Variants in MDFIC2 observed in about 807,000 individuals in gnomAD.
MDFIC2 encodes the protein myoD family inhibitor domain-containing protein 2.
intron 2 of MDFIC2, among the ~76,000 whole-genome samples, chr3:70,311,019 A>G (rs1157359312): frequency 2.6e-5 from 4 of 152,196 alleles, no homozygotes; most frequent in African/African-American, 9.6e-5. Context: ...CAGCAAAATC[A>G]TCAATAAATA....
intron 2 of MDFIC2, among the ~76,000 whole-genome samples, chr3:70,218,413 A>G (rs1048784155): frequency 1.1e-4 from 16 of 152,112 alleles, no homozygotes; most frequent in Non-Finnish European, 2.2e-4. Context: ...TAAGCTTTAC[A>G]GTAAAAAATC....
chr3:70,302,166 C>T (rs184200746), intron 2 of MDFIC2, among the ~76,000 whole-genome samples: 30 of 152,246 alleles, frequency 2.0e-4, no homozygotes, highest in African/African-American at 5.8e-4. Flanking sequence ...ATTTACTTCT[C>T]GACAGGCTTA....
chr3:70,272,707 G>C (rs1201636740), intron 2 of MDFIC2, among the ~76,000 whole-genome samples: 2 of 152,162 alleles, frequency 1.3e-5, no homozygotes, highest in African/African-American at 2.4e-5. Flanking sequence ...ATTTTAGATA[G>C]AGTACATTGC....
chr3:70,298,046 C>T (rs980297512), intron 2 of MDFIC2, among the ~76,000 whole-genome samples: 2 of 152,020 alleles, frequency 1.3e-5, no homozygotes, highest in African/African-American at 2.4e-5. Context: ...GATTGACAAT[C>T]GGGTGCTATT....
intron 2 of MDFIC2, among the ~76,000 whole-genome samples, chr3:70,246,832 C>G (rs955340720): frequency 1.3e-5 from 2 of 152,004 alleles, no homozygotes; most frequent in South Asian, 2.1e-4. Flanking sequence ...TTTTTTGTCA[C>G]CCTTAAAACA....
At position 70,290,768 on chromosome 3, in the gene MDFIC2, C is replaced by T. The variant is rs138594524; in HGVS notation, c.88+21118G>A. On this transcript the variant is annotated intron_variant, in intron 2 of 3. Coordinates refer to ENST00000567252, the MANE Select transcript of MDFIC2 (RefSeq NM_001364677.1). ...TGCAGGTTATAATCTCGTGGTGCGC[C>T]GTTTTTTAAGCTTGTCGGAAAAGCG... Among the ~76,000 whole-genome samples, 126 of 152,298 alleles carry T rather than the reference C, an allele frequency of 8.3e-4. 2 individuals are homozygous for T. The East Asian group carries it at 0.022, about 27-fold the overall frequency.
intron 2 of MDFIC2, among the ~76,000 whole-genome samples, chr3:70,248,865 A>C (rs1375392853): frequency 6.6e-6 from 1 of 152,102 alleles, no homozygotes; most frequent in Non-Finnish European, 1.5e-5. Flanking sequence ...TTGAAAGGAA[A>C]TCAATTGAAA....
At chr3:70,286,812 T>C (rs571264923) in intron 2 of MDFIC2, among the ~76,000 whole-genome samples, 3 of 152,330 alleles carry the variant, frequency 2.0e-5, no homozygotes, top group Admixed American at 6.5e-5. Context: ...TTTTATTCTC[T>C]TTGAAGCAAT....
chr3:70,268,050 C>G (rs954951148), intron 2 of MDFIC2, among the ~76,000 whole-genome samples: 1 of 150,422 alleles, frequency 6.6e-6, no homozygotes, highest in Non-Finnish European at 1.5e-5. Context: ...TCCTCCTCCT[C>G]CTTCTTCTCC....
intron 2 of MDFIC2, among the ~76,000 whole-genome samples, chr3:70,236,976 G>A (rs1011807819): frequency 1.3e-5 from 2 of 152,152 alleles, no homozygotes. Flanking sequence ...AAAAATCATA[G>A]CTTAAGCAAC....
chr3:70,303,946 G>A (rs1702375923), intron 2 of MDFIC2, among the ~76,000 whole-genome samples: 1 of 152,174 alleles, frequency 6.6e-6, no homozygotes, highest in Admixed American at 6.5e-5. Context: ...GCTTCTCAAG[G>A]TGCTGGAATT....
At chr3:70,286,456 C>A (rs1425715673) in intron 2 of MDFIC2, among the ~76,000 whole-genome samples, 1 of 151,802 alleles carries the variant, frequency 6.6e-6, no homozygotes, top group East Asian at 1.9e-4. Context: ...GTTTTGGTTA[C>A]TGTAGCCTTG....
chr3:70,263,904 T>A (rs530425929), intron 2 of MDFIC2, among the ~76,000 whole-genome samples: 9 of 152,184 alleles, frequency 5.9e-5, no homozygotes, highest in Non-Finnish European at 1.2e-4. Flanking sequence ...CTGCAATTGC[T>A]GTTGTCCAAT....
chr3:70,215,427 A>G (rs2106732568), intron 2 of MDFIC2, among the ~76,000 whole-genome samples: 1 of 152,250 alleles, frequency 6.6e-6, no homozygotes, highest in African/African-American at 2.4e-5. Flanking sequence ...CTCCAGGTTA[A>G]TTGATCCTGC....
At chr3:70,231,715 A>G (rs1250733993) in intron 2 of MDFIC2, among the ~76,000 whole-genome samples, 4 of 152,156 alleles carry the variant, frequency 2.6e-5, no homozygotes, top group Non-Finnish European at 4.4e-5. Context: ...ATACACGGAG[A>G]GAAGAAATGG....
intron 3 of MDFIC2, among the ~76,000 whole-genome samples, chr3:70,204,253 C>T (rs2106722307): frequency 6.6e-6 from 1 of 152,262 alleles, no homozygotes; most frequent in East Asian, 1.9e-4. Context: ...CTTCTGTTTT[C>T]CCTGCTGTTC....
intron 2 of MDFIC2, among the ~76,000 whole-genome samples, chr3:70,278,200 ATCTAACTT>A (rs566196666): frequency 1.4e-4 from 22 of 152,106 alleles, no homozygotes; most frequent in Non-Finnish European, 2.8e-4. Context: ...TTTTATTTAT[ATCTAACTT>A]TATTTGTCCA....
At chr3:70,289,611 T>C (rs1702209138) in intron 2 of MDFIC2, among the ~76,000 whole-genome samples, 2 of 150,362 alleles carry the variant, frequency 1.3e-5, no homozygotes, top group Non-Finnish European at 3.0e-5. Flanking sequence ...TGGCCTGCCT[T>C]GCTAGATTGG....
chr3:70,290,968 C>T (rs1252568362), intron 2 of MDFIC2, among the ~76,000 whole-genome samples: 1 of 152,250 alleles, frequency 6.6e-6, no homozygotes, highest in South Asian at 2.1e-4. Flanking sequence ...CTGGCACTCC[C>T]TAGTGAGATG....
Sources: allele counts gnomAD v4.1 joint callset (sites outside exome capture counted in the v4.1 genomes callset), GRCh38; gene constraint gnomAD v4.1.1; transcripts MANE v1.5; gene names NCBI Gene and HGNC (gene_info 2026-07-23, HGNC 2026-07-21).